DENND3: variants seen among roughly 807,000 people sequenced by gnomAD.
The protein encoded by DENND3 is DENN domain containing 3, also known as DENN domain-containing protein 3.
DENND3 carries 88 observed loss-of-function variants against 135.1 expected under a neutral mutation model. The ratio of observed to expected loss-of-function variants is 0.65; its 90% confidence interval spans 0.55 to 0.78. The LOEUF (loss-of-function observed/expected upper bound fraction) is 0.78. Among genes scored for constraint, DENND3 ranks in the 30% least tolerant of loss-of-function variants. DENND3 has a pLI of 0.00. For synonymous variants in DENND3, 693 were observed against 712.3 expected (o/e 0.97, Z 0.43); for missense variants, 1,392 against 1,688.4 (o/e 0.82, Z 3.08).
rs752074293 is a variant in DENND3, at chr8:141,175,306, A to G, written c.2382A>G (p.Glu794=). 6.2e-7 allele frequency: 1 copy of G among 1,614,216 alleles called. No homozygotes were observed. Among genetic ancestry groups the G allele is most frequent in the Non-Finnish European group, 8.5e-7 (1 of 1,180,040 alleles). ...TCAGTCTGCCGTGGCTGGTGATGGAACACCTGGATAAAAACGAGTGTGTGT... is the reference window on the plus strand; with the variant it reads ...TCAGTCTGCCGTGGCTGGTGATGGAGCACCTGGATAAAAACGAGTGTGTGT... The part of the protein sequence containing the change: ...QEVSLPWLVM[E]HLDKNECVCK... The change falls in exon 14 of 23, where the codon GAA becomes GAG. Residue 794 remains glutamate (E), a synonymous_variant. Transcript: ENST00000519811. This position sits in a 1 kb window ranked among gnomAD's most constrained non-coding sequence, Gnocchi z 5.4.
chr8:141,138,844 G>C lies in DENND3; in HGVS notation c.501+707G>C, dbSNP rs773819543. 6.6e-6 allele frequency among the ~76,000 whole-genome samples: 1 copy of C among 152,202 alleles called. No homozygotes were observed. The highest frequency in any genetic ancestry group is 6.5e-5 in the Admixed American group (1 of 15,280). On this transcript the variant is annotated intron_variant, in intron 3 of 22. Transcript: ENST00000519811. This position sits in a 1 kb window ranked among gnomAD's most constrained non-coding sequence, Gnocchi z 4.8. ...CCAGTGCCCCGTGGCCTTTTATGGC[G>C]AGTGACATTCCATCGTTTGGATGGA...
Position 141,175,426 on chromosome 8 carries a change from C to G in DENND3, c.2502C>G (p.Gly834=). 6.2e-7 allele frequency: 1 copy of G among 1,614,172 alleles called. No individual in the cohort carries two copies. The highest frequency in any genetic ancestry group is 8.5e-7 in the Non-Finnish European group (1 of 1,180,020). ...TCCTCCTAACCGAAGGAAGGCCAGG[C>G]TACTTGGAGATTTCCACCTTCAGAA... ...RLFLLTEGRP[G]YLEISTFRNI... is the part of the protein sequence containing the mutation. The change falls in exon 14 of 23, where the codon GGC becomes GGG. Residue 834 remains glycine, a synonymous_variant. Coordinates refer to ENST00000519811, the MANE Select transcript of DENND3 (RefSeq NM_001352890.3). This position sits in a 1 kb window ranked among gnomAD's most constrained non-coding sequence, Gnocchi z 5.4.
chr8:141,182,460 T>A lies in DENND3; in HGVS notation c.2944+1606T>A. On this transcript the variant is annotated intron_variant, in intron 17 of 22. Transcript: ENST00000519811. The surrounding 1 kb of genome is among the most constrained non-coding windows in gnomAD (Gnocchi z 5.9). ...CCAGAGATGACTCCACAGACCAAGA[T>A]ACTTTGACCGTGGCATTTGAATACA... 1.4e-5 allele frequency: 14 copies of A among 985,384 alleles called. No individual in the cohort carries two copies. The highest frequency in any genetic ancestry group is 1.7e-5 in the Non-Finnish European group (14 of 829,918). 61.0% of individuals were successfully genotyped at this position (985,384 alleles called of 1,614,324 possible). A position where few individuals can be genotyped will look rare whatever the true frequency, so the allele number is the denominator to read the frequency against.
intron 1 of DENND3, among the ~76,000 whole-genome samples, chr8:141,133,456 G>A (rs1040025577): frequency 3.9e-5 from 6 of 152,190 alleles, no homozygotes; most frequent in Admixed American, 2.6e-4. Context: ...CTGGTTTGCG[G>A]TCAGACAGGG....
At chr8:141,147,890 C>T (rs1002349302) in intron 5 of DENND3, among the ~76,000 whole-genome samples, 1 of 152,180 alleles carries the variant, frequency 6.6e-6, no homozygotes, top group African/African-American at 2.4e-5. Context: ...TGCTGATCTG[C>T]GTCCCGTGCG....
At chr8:141,129,073 G>A (rs988193774) in intron 1 of DENND3, among the ~76,000 whole-genome samples, 12 of 152,238 alleles carry the variant, frequency 7.9e-5, no homozygotes, top group African/African-American at 2.9e-4. Context: ...TCTTTTGAGA[G>A]CTGCGAACTT....
At chr8:141,173,335 G>A (rs1472195154) in intron 13 of DENND3, among the ~76,000 whole-genome samples, 1 of 152,138 alleles carries the variant, frequency 6.6e-6, no homozygotes, top group South Asian at 2.1e-4. Flanking sequence ...AGAAAATACC[G>A]ACGGGCCAAA....
intron 8 of DENND3, chr8:141,157,858 C>T (rs547522508): frequency 2.2e-6 from 2 of 893,408 alleles, no homozygotes; most frequent in South Asian, 4.3e-5. Flanking sequence ...CTTCCAGGTT[C>T]AAGCGATTCT....
Position 141,182,363 on chromosome 8 carries a change from A to G in DENND3, c.2944+1509A>G, listed in dbSNP as rs965108047. ...CGCGATAGACCCTGGCTGAGTGAGC[A>G]GGCAGCGTCATCAGGGCCGCCCCGC... On this transcript the variant is annotated intron_variant, in intron 17 of 22. Transcript: ENST00000519811. This position sits in a 1 kb window ranked among gnomAD's most constrained non-coding sequence, Gnocchi z 5.9. 1 of 985,348 alleles carries G rather than the reference A, an allele frequency of 1.0e-6. No individual in the cohort carries two copies. The highest frequency in any genetic ancestry group is 1.2e-6 in the Non-Finnish European group (1 of 829,948). 61.0% of individuals were successfully genotyped at this position (985,348 alleles called of 1,614,324 possible).
Position 141,145,832 on chromosome 8 carries a change from TA to T in DENND3, c.735+1574del, listed in dbSNP as rs1569555463. Among the ~76,000 whole-genome samples the T allele has an allele frequency of 4.5e-4, 37 of 82,742 alleles. 2 individuals are homozygous for T. The highest frequency in any genetic ancestry group is 2.4e-3 in the African/African-American group (28 of 11,638). 54.3% of individuals were successfully genotyped at this position (82,742 alleles called of 152,430 possible). On this transcript the variant is annotated intron_variant, in intron 5 of 22. Transcript: ENST00000519811. ...ATATATATATATATATATATATATA[TA>T]TATATATATATATATATGTATTTTT...
rs546250167 is a variant in DENND3 at position 141,130,569 on chromosome 8, T to C, written c.102+1760T>C. 5.9e-4 allele frequency among the ~76,000 whole-genome samples: 90 copies of C among 152,314 alleles called. No homozygotes were observed. The highest frequency in any genetic ancestry group is 1.0e-3 in the Non-Finnish European group (71 of 68,024). ...AAGGAGCGTTAGGGGATGGATTCCATTTCTTGGAGCCATCCTACTTTTAAG... is the reference window on the plus strand; with the variant it reads ...AAGGAGCGTTAGGGGATGGATTCCACTTCTTGGAGCCATCCTACTTTTAAG... On this transcript the variant is annotated intron_variant, in intron 1 of 22. Transcript: ENST00000519811. This position sits in a 1 kb window ranked among gnomAD's most constrained non-coding sequence, Gnocchi z 4.2.
chr8:141,160,918 G>A (rs373262608), intron 9 of DENND3, 131 bp downstream of exon 9: 17 of 1,171,246 alleles, frequency 1.5e-5, no homozygotes, highest in East Asian at 8.0e-5. Context: ...AGTGGTCCCC[G>A]CCCCCTGCCA....
At position 141,146,014 on chromosome 8, in the gene DENND3, AT is replaced by A. The variant is rs1367421019; in HGVS notation, c.735+1761del. Among the ~76,000 whole-genome samples, 1 of 151,184 alleles carries A rather than the reference AT, an allele frequency of 6.6e-6. No individual in the cohort carries two copies. The highest frequency in any genetic ancestry group is 6.6e-5 in the Admixed American group (1 of 15,174). Reference sequence around the variant, plus strand: ...CAGGCGCGTGCCACCACGCTGGCTAATTTTTTGTATTTTTAGTAGAGATGGG... The same window carrying A: ...CAGGCGCGTGCCACCACGCTGGCTAATTTTTGTATTTTTAGTAGAGATGGG... On this transcript the variant is annotated intron_variant, in intron 5 of 22. Transcript: ENST00000519811. This position sits in a 1 kb window ranked among gnomAD's most constrained non-coding sequence, Gnocchi z 4.3.
rs560064520 is a variant in DENND3, at chr8:141,138,236, G to T, written c.501+99G>T. Reference sequence around the variant, plus strand: ...CATTCACCATTCTAACCATTTTAAAGTGTGCAGTTCCGTAACATTAAGTAC... The same window carrying T: ...CATTCACCATTCTAACCATTTTAAATTGTGCAGTTCCGTAACATTAAGTAC... On this transcript the variant is annotated intron_variant, in intron 3 of 22. Coordinates refer to ENST00000519811, the MANE Select transcript of DENND3 (RefSeq NM_001352890.3). This position sits in a 1 kb window ranked among gnomAD's most constrained non-coding sequence, Gnocchi z 4.8. 28 of 1,271,760 alleles carry T rather than the reference G, an allele frequency of 2.2e-5. No individual in the cohort carries two copies. The highest frequency in any genetic ancestry group is 1.9e-4 in the African/African-American group (13 of 67,800). The allele number at this position is 1,271,760 out of a possible 1,614,324, so 78.8% of individuals were successfully genotyped here.
At chr8:141,190,438 C>G in intron 20 of DENND3, 21 bp downstream of exon 20, 5 of 1,596,144 alleles carry the variant, frequency 3.1e-6, no homozygotes, top group Non-Finnish European at 4.3e-6. Flanking sequence ...CCCCTGCCAT[C>G]AGAGCGGGCA....
intron 14 of DENND3, chr8:141,176,290 A>AAAC (rs201542387): frequency 1.1e-3 from 228 of 211,988 alleles, no homozygotes; most frequent in Middle Eastern, 1.3e-3. Flanking sequence ...AACAAAACAA[A>AAAC]AAAAAAAAAA....
intron 16 of DENND3, among the ~76,000 whole-genome samples, 188 bp from the exon 17 acceptor site, chr8:141,180,559 C>T (rs1822961875): frequency 6.6e-6 from 1 of 152,156 alleles, no homozygotes; most frequent in South Asian, 2.1e-4. Context: ...AGGTGACAAC[C>T]AGGAAAGGAG....
chr8:141,180,288 C>T (rs1206093881), intron 16 of DENND3, among the ~76,000 whole-genome samples: 1 of 152,230 alleles, frequency 6.6e-6, no homozygotes, highest in Non-Finnish European at 1.5e-5. Context: ...GCCCAACACG[C>T]CCCTGGTTCT....
chr8:141,155,454 C>T (rs961263228), intron 7 of DENND3, among the ~76,000 whole-genome samples: 6 of 151,884 alleles, frequency 4.0e-5, no homozygotes, highest in East Asian at 3.8e-4. Context: ...CCCAGGCTTC[C>T]GTGCAGTGGT....
Sources: allele counts gnomAD v4.1 joint callset (sites outside exome capture counted in the v4.1 genomes callset), GRCh38; gene constraint gnomAD v4.1.1; non-coding constraint Gnocchi (gnomAD v3.1); transcripts MANE v1.5; gene names NCBI Gene and HGNC (gene_info 2026-07-23, HGNC 2026-07-21).